The following CCDC186 variants were observed in gnomAD, a reference collection of about 807,000 sequenced individuals.
The protein encoded by CCDC186 is coiled-coil domain-containing protein 186.
A neutral mutation model predicts 113.7 loss-of-function variants in CCDC186; 49 were observed. That is an observed-to-expected ratio of 0.43 (90% confidence interval 0.34 to 0.55). CCDC186 has a LOEUF of 0.55. Ranked by LOEUF, CCDC186 falls within the 20% of genes least tolerant of loss-of-function variation. CCDC186 has a pLI of 0.02. For synonymous variants in CCDC186, 355 were observed against 345.8 expected (o/e 1.03, Z -0.30); for missense variants, 890 against 1,011.1 (o/e 0.88, Z 1.62).
At chr10:114,156,926 C>T (rs1325077139) in intron 3 of CCDC186, among the ~76,000 whole-genome samples, 3 of 152,072 alleles carry the variant, frequency 2.0e-5, no homozygotes, top group Non-Finnish European at 4.4e-5. Flanking sequence ...CCATTGCTTC[C>T]TCCCTGTTGG....
Position 114,134,937 on chromosome 10 carries a change from T to C in CCDC186, c.1631A>G (p.Asp544Gly). 6 of 1,611,988 alleles carry C rather than the reference T, an allele frequency of 3.7e-6. No homozygotes were observed. Among genetic ancestry groups the C allele is most frequent in the Non-Finnish European group, 5.1e-6 (6 of 1,179,434 alleles). The part of the protein sequence containing the change: ...QNLLDKVKTA[D>G]QLQEQLQRGK... ...CCTTTGAAGCTGCTCCTGTAGCTGA[T>C]CTGCAGTTTTCACCTTGTCCAATAA... Residue 544 changes from aspartate to glycine, a missense_variant, in exon 10 of 16, where the codon GAT (aspartate) becomes GGT (glycine). Coordinates refer to ENST00000369287, the MANE Select transcript of CCDC186 (RefSeq NM_018017.4).
chr10:114,129,942 C>T lies in CCDC186; in HGVS notation c.2131G>A (p.Gly711Arg), dbSNP rs1409135579. The T allele has an allele frequency of 1.2e-6, 2 of 1,613,346 alleles. No homozygotes were observed. The highest frequency in any genetic ancestry group is 1.6e-4 in the Middle Eastern group (1 of 6,080). ...CTGCTGACTTCTTTGTCATAGCTTC[C>T]ACTCTCAACCTGATCTAATTTTCTT... ...ARRKLDQVES[G>R]SYDKEVSSMG... Residue 711 changes from glycine (G) to arginine (R), a missense_variant, in exon 13 of 16, where the codon GGA becomes AGA. By Grantham distance (125) the Gly-to-Arg change is moderately radical (BLOSUM62 -2). Transcript: ENST00000369287.
At chr10:114,149,604 GAA>G (rs2031760028) in intron 4 of CCDC186, among the ~76,000 whole-genome samples, 2 of 37,888 alleles carry the variant, frequency 5.3e-5, no homozygotes, top group Non-Finnish European at 1.1e-4. Flanking sequence ...GAAGGGAAGG[GAA>G]GGGAAGGGAA....
intron 6 of CCDC186, among the ~76,000 whole-genome samples, chr10:114,137,988 A>C (rs1241642341): frequency 1.6e-5 from 2 of 125,484 alleles, no homozygotes; most frequent in African/African-American, 2.9e-5. Flanking sequence ...GGTGAGCCGA[A>C]ATTGCGCCAC....
At chr10:114,128,674 A>G (rs1379470393) in intron 13 of CCDC186, among the ~76,000 whole-genome samples, 1 of 152,196 alleles carries the variant, frequency 6.6e-6, no homozygotes, top group Non-Finnish European at 1.5e-5. Context: ...AGTGCTTAGC[A>G]TGGTTCTTGG....
chr10:114,128,382 G>C (rs907758112), intron 13 of CCDC186, among the ~76,000 whole-genome samples: 4 of 152,280 alleles, frequency 2.6e-5, no homozygotes, highest in African/African-American at 9.6e-5. Context: ...ATAAATGGCA[G>C]AGCTGGGATC....
chr10:114,145,576 T>C lies in CCDC186; in HGVS notation c.1074A>G (p.Gly358=), dbSNP rs1006840295. ...TAGTTTCATACAGCTGGTGCAACCGTCCTTTCTCCTGAGAAAGCTGCTTAA... is the reference window on the plus strand; with the variant it reads ...TAGTTTCATACAGCTGGTGCAACCGCCCTTTCTCCTGAGAAAGCTGCTTAA... The part of the protein sequence containing the change: ...NKIKQLSQEK[G]RLHQLYETKE... Residue 358 remains glycine, a synonymous_variant, in exon 5 of 16, where the codon GGA becomes GGG. Transcript: ENST00000369287. The C allele has an allele frequency of 6.2e-7, 1 of 1,610,888 alleles. No homozygotes were observed. Among genetic ancestry groups the C allele is most frequent in the Admixed American group, 1.7e-5 (1 of 59,600 alleles).
At chr10:114,171,091 T>G (rs2032481518) in intron 1 of CCDC186, among the ~76,000 whole-genome samples, 1 of 152,202 alleles carries the variant, frequency 6.6e-6, no homozygotes, top group South Asian at 2.1e-4. Flanking sequence ...GACTTCCTAC[T>G]AATACAGAAA....
intron 4 of CCDC186, among the ~76,000 whole-genome samples, chr10:114,146,741 G>T (rs529412931): frequency 5.6e-4 from 86 of 152,238 alleles, no homozygotes; most frequent in African/African-American, 2.0e-3. Flanking sequence ...CAAACTTTAG[G>T]AATTTTCAAT....
chr10:114,140,279 G>C (rs909024473), intron 6 of CCDC186, among the ~76,000 whole-genome samples: 1 of 152,202 alleles, frequency 6.6e-6, no homozygotes, highest in Non-Finnish European at 1.5e-5. Context: ...TCATTGAGAA[G>C]GTGCTAGGTG....
At chr10:114,170,777 G>A (rs572421617) in intron 1 of CCDC186, among the ~76,000 whole-genome samples, 42 of 152,042 alleles carry the variant, frequency 2.8e-4, no homozygotes, top group Admixed American at 7.9e-4. Flanking sequence ...CTCAGGGCAA[G>A]AACTTTATGA....
rs2031079512 is a variant in CCDC186 at position 114,131,307 on chromosome 10, C to G, written c.1941G>C (p.Leu647=). Reference sequence around the variant, plus strand: ...GCAGAGTTTGGACTTCCTCTTTTCGCAGTTCTTCCTCTTTCAACAACCTAC... The same window carrying G: ...GCAGAGTTTGGACTTCCTCTTTTCGGAGTTCTTCCTCTTTCAACAACCTAC... ...LESRLLKEEE[L]RKEEVQTLQA... The change falls in exon 12 of 16, where the codon CTG becomes CTC. Residue 647 remains leucine (L), a synonymous_variant. Transcript: ENST00000369287. The G allele has an allele frequency of 1.3e-6, 2 of 1,591,098 alleles. No homozygotes were observed. Among genetic ancestry groups the G allele is most frequent in the Non-Finnish European group, 1.7e-6 (2 of 1,171,508 alleles).
At position 114,124,965 on chromosome 10, in the gene CCDC186, C is replaced by T. The variant is rs562662703; in HGVS notation, c.*178G>A. The T allele has an allele frequency of 4.1e-4, 193 of 467,910 alleles. No homozygotes were observed. The South Asian group carries it at 4.9e-3, about 12-fold the overall frequency. The allele number at this position is 467,910 out of a possible 1,614,324, so 29.0% of individuals were successfully genotyped here. A position where few individuals can be genotyped will look rare whatever the true frequency, so the allele number is the denominator to read the frequency against. On this transcript the variant is annotated 3_prime_UTR_variant, in exon 16 of 16. Transcript: ENST00000369287. ...AACAAATTTCATCAAAGCTTTCAGT[C>T]TTACAGTATATACAGCAATGCATTC...
intron 6 of CCDC186, among the ~76,000 whole-genome samples, chr10:114,138,609 G>A (rs1390662395): frequency 6.6e-6 from 1 of 151,928 alleles, no homozygotes; most frequent in Non-Finnish European, 1.5e-5. Context: ...TCCTAAGATG[G>A]CAACTCTGAA....
intron 1 of CCDC186, among the ~76,000 whole-genome samples, chr10:114,173,423 A>T (rs1239762408): frequency 6.6e-6 from 1 of 152,190 alleles, no homozygotes; most frequent in Non-Finnish European, 1.5e-5. Flanking sequence ...TGGAGACATA[A>T]ATCTGAAACC....
chr10:114,165,347 C>G (rs186466430), intron 1 of CCDC186, among the ~76,000 whole-genome samples: 1 of 151,016 alleles, frequency 6.6e-6, no homozygotes, highest in African/African-American at 2.5e-5. Context: ...AAATAATTCT[C>G]AAACAGAGGC....
chr10:114,137,456 A>T (rs535574688), intron 6 of CCDC186, among the ~76,000 whole-genome samples, 166 bp from the exon 7 acceptor site: 29 of 152,208 alleles, frequency 1.9e-4, no homozygotes, highest in Admixed American at 1.6e-3. Flanking sequence ...AATGATCTGT[A>T]GAGTTAACTA....
chr10:114,152,969 AAT>A, intron 3 of CCDC186, among the ~76,000 whole-genome samples: 1 of 152,348 alleles, frequency 6.6e-6, no homozygotes, highest in African/African-American at 2.4e-5. Context: ...GTAGCATCAA[AAT>A]ATATGAGGCA....
chr10:114,148,732 C>G (rs2119789511), intron 4 of CCDC186, among the ~76,000 whole-genome samples: 1 of 152,308 alleles, frequency 6.6e-6, no homozygotes, highest in South Asian at 2.1e-4. Flanking sequence ...CTCTGTGATA[C>G]TTATTAATAT....
Sources: gnomAD v4.1 joint callset for allele counts (sites outside exome capture counted in the v4.1 genomes callset) on GRCh38, gnomAD v4.1.1 for gene constraint, MANE v1.5 for transcripts, NCBI Gene and HGNC (gene_info 2026-07-23, HGNC 2026-07-21) for gene names.